Variants in RYR3 observed in about 807,000 individuals in gnomAD.
The protein encoded by RYR3 is brain ryanodine receptor-calcium release channel.
RYR3 carries 207 observed loss-of-function variants against 584.3 expected under a neutral mutation model. That is an observed-to-expected ratio of 0.35 (90% CI 0.32 to 0.40). RYR3 has a LOEUF of 0.40. Ranked by LOEUF, RYR3 falls within the 10% of genes least tolerant of loss-of-function variation. RYR3 has a pLI of 1.00. For synonymous variants in RYR3, 2,416 were observed against 2,248.5 expected, an observed-to-expected ratio of 1.07 and a Z score of -2.11; for missense variants, 5,616 against 6,089.2, an observed-to-expected ratio of 0.92 and a Z score of 2.59.
chr15:33,688,356 C>T lies in RYR3; in HGVS notation c.5861-7862C>T, dbSNP rs557273162. On this transcript the variant is annotated intron_variant, in intron 38 of 103. Coordinates refer to ENST00000634891, the MANE Select transcript of RYR3 (RefSeq NM_001036.6). ...TGGGAGGCTGAGGCAGGGCAGATCA[C>T]GAGACAGGAGATCGAGACCATCCTG... is the stretch of plus-strand genomic sequence containing the variant. Among the ~76,000 whole-genome samples, 259 of 152,018 alleles carry T rather than the reference C, an allele frequency of 1.7e-3. 1 individual carries two copies. The highest frequency in any genetic ancestry group is 2.8e-3 in the Non-Finnish European group (188 of 67,970).
intron 1 of RYR3, among the ~76,000 whole-genome samples, chr15:33,413,470 T>G (rs2043556452): frequency 6.6e-6 from 1 of 152,194 alleles, no homozygotes; most frequent in South Asian, 2.1e-4. Flanking sequence ...CACTGAGAGC[T>G]CCCTGTGTGC....
At chr15:33,543,860 G>C in intron 8 of RYR3, 145 bp downstream of exon 8, 1 of 674,248 alleles carries the variant, frequency 1.5e-6, no homozygotes, top group Non-Finnish European at 2.7e-6. Flanking sequence ...GTTCCGGTTT[G>C]TAAAACAGGA....
At chr15:33,321,482 C>A (rs1968957848) in intron 1 of RYR3, among the ~76,000 whole-genome samples, 1 of 152,142 alleles carries the variant, frequency 6.6e-6, no homozygotes, top group Admixed American at 6.6e-5. Context: ...GGTTATTTAA[C>A]CCTGTTAAGA....
chr15:33,635,905 C>T (rs1316862060), intron 26 of RYR3, 86 bp downstream of exon 26: 3 of 1,190,550 alleles, frequency 2.5e-6, no homozygotes, highest in South Asian at 1.4e-5. Flanking sequence ...ATTACTGGAT[C>T]TCTGGCTTCA....
chr15:33,527,144 A>G (rs1286945246), intron 3 of RYR3, among the ~76,000 whole-genome samples: 1 of 152,152 alleles, frequency 6.6e-6, no homozygotes, highest in African/African-American at 2.4e-5. Context: ...GGGCAGTGAT[A>G]TGCAAACTAC....
intron 8 of RYR3, among the ~76,000 whole-genome samples, chr15:33,547,124 T>C (rs1189996343): frequency 6.6e-6 from 1 of 152,196 alleles, no homozygotes; most frequent in East Asian, 1.9e-4. Flanking sequence ...TTATACAGAA[T>C]TTATTTAAAA....
intron 16 of RYR3, among the ~76,000 whole-genome samples, chr15:33,598,185 CAAAA>C (rs59290382): frequency 2.0e-5 from 2 of 99,382 alleles, no homozygotes; most frequent in African/African-American, 7.2e-5. Flanking sequence ...ATTTTAATTA[CAAAA>C]AAAAAAAAAT....
Position 33,390,703 on chromosome 15 carries a change from A to C in RYR3, c.51+79607A>C, listed in dbSNP as rs943989992. On this transcript the variant is annotated intron_variant, in intron 1 of 103. Transcript: ENST00000634891. The surrounding 1 kb of genome is among the most constrained non-coding windows in gnomAD (Gnocchi z 4.2). ...GGTTCACTCTGCGTAGATTGTTTGC[A>C]CAAACAATGTGATTTATGCCGAACA... is the stretch of plus-strand genomic sequence containing the variant. Among the ~76,000 whole-genome samples the C allele has an allele frequency of 6.6e-6, 1 of 152,150 alleles. No homozygotes were observed. Among genetic ancestry groups the C allele is most frequent in the African/African-American group, 2.4e-5 (1 of 41,436 alleles).
At chr15:33,743,405 C>A (rs2070367495) in intron 52 of RYR3, among the ~76,000 whole-genome samples, 1 of 152,194 alleles carries the variant, frequency 6.6e-6, no homozygotes, top group Non-Finnish European at 1.5e-5. Flanking sequence ...ATTGCAACAA[C>A]TCCACTTGGC....
At chr15:33,465,977 A>G (rs1208406825) in intron 1 of RYR3, among the ~76,000 whole-genome samples, 3 of 152,190 alleles carry the variant, frequency 2.0e-5, no homozygotes, top group African/African-American at 7.2e-5. Context: ...AGAAAACTAC[A>G]AAAAGAACAT....
intron 94 of RYR3, chr15:33,852,698 T>C: frequency 4.9e-6 from 1 of 204,926 alleles, no homozygotes; most frequent in East Asian, 1.4e-4. Context: ...GTGTTTTCTG[T>C]AGCATTTTGT....
At chr15:33,514,422 G>A (rs190720589) in intron 3 of RYR3, among the ~76,000 whole-genome samples, 2 of 152,156 alleles carry the variant, frequency 1.3e-5, no homozygotes, top group Admixed American at 6.5e-5. Context: ...AATGAGGCCC[G>A]CACCACGGAG....
chr15:33,552,706 G>A (rs2056777614), intron 10 of RYR3, among the ~76,000 whole-genome samples: 1 of 152,314 alleles, frequency 6.6e-6, no homozygotes, highest in Middle Eastern at 3.4e-3. Context: ...TGTGGGCAGG[G>A]CTTTGGCACC....
intron 1 of RYR3, among the ~76,000 whole-genome samples, chr15:33,436,456 T>G (rs1211606233): frequency 6.6e-6 from 1 of 152,152 alleles, no homozygotes; most frequent in Non-Finnish European, 1.5e-5. Context: ...TCTTCCAGTT[T>G]GTGGCTTATG....
chr15:33,394,688 A>C (rs2042198231), intron 1 of RYR3, among the ~76,000 whole-genome samples: 1 of 152,186 alleles, frequency 6.6e-6, no homozygotes, highest in African/African-American at 2.4e-5. Context: ...TTTGATTCTG[A>C]AATGATGCTG....
At chr15:33,404,134 C>G (rs2042864453) in intron 1 of RYR3, among the ~76,000 whole-genome samples, 1 of 152,078 alleles carries the variant, frequency 6.6e-6, no homozygotes, top group Admixed American at 6.5e-5. Flanking sequence ...TGGAGTGGTG[C>G]CTTTTATTAG....
chr15:33,628,554 A>G lies in RYR3; in HGVS notation c.2658A>G (p.Glu886=). The change falls in exon 21 of 104, where the codon GAA becomes GAG. Residue 886 remains glutamate (E), a synonymous_variant. Coordinates refer to ENST00000634891, the MANE Select transcript of RYR3 (RefSeq NM_001036.6). ...IHELWGMNKI[E]LGWTFGKIRD... ...AGCTTTGGGGAATGAATAAAATAGA[A>G]CTTGGCTGGACTTTCGGCAAGGTAT... 1 of 1,612,826 alleles carries G rather than the reference A, an allele frequency of 6.2e-7. No homozygotes were observed. The highest frequency in any genetic ancestry group is 8.5e-7 in the Non-Finnish European group (1 of 1,178,900).
chr15:33,493,596 C>A (rs1237587786), intron 2 of RYR3, among the ~76,000 whole-genome samples: 2 of 152,218 alleles, frequency 1.3e-5, no homozygotes, highest in African/African-American at 4.8e-5. Context: ...AGGGTTCCAA[C>A]TTTTCACCTA....
At chr15:33,720,866 C>T (rs2067854057) in intron 43 of RYR3, among the ~76,000 whole-genome samples, 3 of 139,724 alleles carry the variant, frequency 2.1e-5, no homozygotes, top group Non-Finnish European at 3.2e-5. Context: ...AGAGCCAGAC[C>T]CTGTCTCTTA....
Sources: allele counts gnomAD v4.1 joint callset (sites outside exome capture counted in the v4.1 genomes callset), GRCh38; gene constraint gnomAD v4.1.1; non-coding constraint Gnocchi (gnomAD v3.1); transcripts MANE v1.5; gene names NCBI Gene and HGNC (gene_info 2026-07-23, HGNC 2026-07-21).